The following ROBO2 variants were observed in gnomAD, a reference collection of about 807,000 sequenced individuals.
The protein encoded by ROBO2 is roundabout guidance receptor 2, also known as roundabout homolog 2.
In ROBO2, 53 loss-of-function variants were observed where a neutral mutation model predicts 160.8. The ratio of observed to expected loss-of-function variants is 0.33; its 90% CI spans 0.26 to 0.41. The LOEUF is 0.41. Ranked by LOEUF, ROBO2 falls within the 10% of genes least tolerant of loss-of-function variation. ROBO2 has a pLI of 1.00. For missense variants in ROBO2, 1,577 were observed against 1,722.4 expected (o/e 0.92, Z 1.49); for synonymous variants, 664 against 611.7 (o/e 1.09, Z -1.26).
chr3:77,430,669 A>C (rs1333247883), intron 2 of ROBO2, among the ~76,000 whole-genome samples: 2 of 152,084 alleles, frequency 1.3e-5, no homozygotes, highest in African/African-American at 4.8e-5. Flanking sequence ...ACAGGAGGGC[A>C]CCATCTCAGG....
intron 2 of ROBO2, among the ~76,000 whole-genome samples, chr3:76,180,910 C>A (rs112379405): frequency 1.3e-5 from 2 of 151,858 alleles, no homozygotes; most frequent in Non-Finnish European, 2.9e-5. Context: ...CCCACCTTCC[C>A]ACTCTCCCCT....
chr3:77,149,191 C>T (rs540418536), intron 2 of ROBO2, among the ~76,000 whole-genome samples: 3 of 151,136 alleles, frequency 2.0e-5, no homozygotes, highest in East Asian at 2.0e-4. Context: ...CACGCCACCA[C>T]GCCTGGCTAA....
chr3:77,272,627 G>T (rs1419149608), intron 2 of ROBO2, among the ~76,000 whole-genome samples: 1 of 152,138 alleles, frequency 6.6e-6, no homozygotes, highest in Non-Finnish European at 1.5e-5. Context: ...AATTGTTAAG[G>T]ATGGGGAAAG....
chr3:76,044,086 G>C (rs1246011760), intron 2 of ROBO2, among the ~76,000 whole-genome samples: 1 of 152,064 alleles, frequency 6.6e-6, no homozygotes, highest in African/African-American at 2.4e-5. Flanking sequence ...GGGAGACAAA[G>C]AAAAGAGAAT....
At chr3:76,454,214 A>G (rs1191050654) in intron 2 of ROBO2, among the ~76,000 whole-genome samples, 2 of 152,202 alleles carry the variant, frequency 1.3e-5, no homozygotes, top group African/African-American at 4.8e-5. Flanking sequence ...AGCACACACC[A>G]TAACAGATTT....
intron 2 of ROBO2, among the ~76,000 whole-genome samples, chr3:75,990,086 A>C (rs666421): frequency 0.71 from 108,583 of 152,084 alleles, 41,621 homozygotes; most frequent in South Asian, 0.89. Context: ...TAAGCTTATA[A>C]AGTATGTTTC....
intron 2 of ROBO2, among the ~76,000 whole-genome samples, chr3:76,831,231 G>C (rs962558548): frequency 2.0e-5 from 3 of 151,902 alleles, no homozygotes; most frequent in Non-Finnish European, 4.4e-5. Context: ...GAGTTTTTTG[G>C]ATTTTTTAAT....
intron 2 of ROBO2, among the ~76,000 whole-genome samples, chr3:76,996,163 T>G (rs1289140709): frequency 1.3e-5 from 2 of 152,222 alleles, no homozygotes; most frequent in Admixed American, 6.5e-5. Context: ...TTCAGCTTTC[T>G]ACATATGGCT....
At chr3:77,376,616 C>T (rs1164823467) in intron 2 of ROBO2, among the ~76,000 whole-genome samples, 1 of 152,114 alleles carries the variant, frequency 6.6e-6, no homozygotes, top group Non-Finnish European at 1.5e-5. Context: ...CCTTTTCTCC[C>T]TAGGTTGGTT....
chr3:76,269,544 C>T (rs1707301848), intron 2 of ROBO2, among the ~76,000 whole-genome samples: 2 of 151,218 alleles, frequency 1.3e-5, no homozygotes, highest in South Asian at 4.2e-4. Context: ...GTTACACATA[C>T]CTTTTATAGC....
At chr3:77,623,302 C>T (rs2094938121) in intron 23 of ROBO2, among the ~76,000 whole-genome samples, 1 of 152,146 alleles carries the variant, frequency 6.6e-6, no homozygotes, top group South Asian at 2.1e-4. Flanking sequence ...ACTGGGTCTT[C>T]TCAGAAGACC....
At chr3:77,487,127 C>T (rs575514891) in intron 4 of ROBO2, among the ~76,000 whole-genome samples, 29 of 152,160 alleles carry the variant, frequency 1.9e-4, no homozygotes, top group African/African-American at 6.5e-4. Flanking sequence ...TCAGAGATAA[C>T]GCTATGAGAG....
chr3:76,453,008 T>G (rs975852522), intron 2 of ROBO2, among the ~76,000 whole-genome samples: 68 of 152,292 alleles, frequency 4.5e-4, no homozygotes, highest in Admixed American at 3.3e-3. Context: ...CTTTGCCCAC[T>G]TTTTGATGGG....
rs201125633 is a variant in ROBO2 at position 76,219,560 on chromosome 3, C to A, written c.109+281958C>A. Among the ~76,000 whole-genome samples the A allele has an allele frequency of 3.1e-4, 47 of 152,236 alleles. 1 individual carries two copies. The East Asian group carries it at 7.5e-3, about 24-fold the overall frequency. On this transcript the variant is annotated intron_variant, in intron 2 of 26. Coordinates refer to the ROBO2 transcript ENST00000487694. ...CAAAAGAAGACATTTATGCAGCCAACAGACACATGAAAAAAATGCTCATCT... is the reference window on the plus strand; with the variant it reads ...CAAAAGAAGACATTTATGCAGCCAAAAGACACATGAAAAAAATGCTCATCT...
rs1259226682 is a variant in ROBO2, at chr3:77,215,296, T to C, written c.388+116956T>C. On this transcript the variant is annotated intron_variant, in intron 2 of 25. Transcript: ENST00000461745. ...GTTCATTTCTTTTTATTCTTTTTTC[T>C]CTAAACTTCTCTTCTTGCTTCATTT... Among the ~76,000 whole-genome samples, 6 of 152,318 alleles carry C rather than the reference T, an allele frequency of 3.9e-5. No homozygotes were observed. The East Asian group carries it at 7.7e-4, about 20-fold the overall frequency.
At chr3:77,180,639 G>A (rs1011139652) in intron 2 of ROBO2, among the ~76,000 whole-genome samples, 1 of 151,156 alleles carries the variant, frequency 6.6e-6, no homozygotes, top group African/African-American at 2.4e-5. Context: ...ACTGTAAATG[G>A]AAAAGCTGTG....
intron 2 of ROBO2, among the ~76,000 whole-genome samples, chr3:77,268,396 A>T (rs1292276047): frequency 6.6e-6 from 1 of 152,156 alleles, no homozygotes; most frequent in Non-Finnish European, 1.5e-5. Flanking sequence ...TTTCTATAGG[A>T]CCCATTCCAG....
chr3:76,970,296 G>A (rs1379530046), intron 2 of ROBO2, among the ~76,000 whole-genome samples: 1 of 152,094 alleles, frequency 6.6e-6, no homozygotes, highest in African/African-American at 2.4e-5. Flanking sequence ...GAGATTTTAA[G>A]TAAATACCAC....
chr3:76,748,963 T>A (rs1218678034), intron 2 of ROBO2, among the ~76,000 whole-genome samples: 1 of 151,866 alleles, frequency 6.6e-6, no homozygotes, highest in Non-Finnish European at 1.5e-5. Context: ...TAGCTAAATA[T>A]GTTTTGACTT....
Sources: gnomAD v4.1 joint callset for allele counts (sites outside exome capture counted in the v4.1 genomes callset) on GRCh38, gnomAD v4.1.1 for gene constraint, MANE v1.5 for transcripts, NCBI Gene and HGNC (gene_info 2026-07-23, HGNC 2026-07-21) for gene names.